The following AGO1 variants were observed in gnomAD, a reference collection of about 807,000 sequenced individuals.
The protein encoded by AGO1 is argonaute RISC component 1.
A neutral mutation model predicts 109.2 loss-of-function variants in AGO1; 11 were observed. That is an observed-to-expected ratio of 0.10 (90% CI 0.06 to 0.17). The LOEUF is 0.17. AGO1 is among the 10% of genes least tolerant of loss of function. The pLI, the probability that AGO1 is intolerant of heterozygous loss-of-function variation, is 1.00. For missense variants in AGO1, 574 were observed against 1,140.3 expected (o/e 0.50, Z 7.15); for synonymous variants, 422 against 418.6 (o/e 1.01, Z -0.10).
intron 7 of AGO1, among the ~76,000 whole-genome samples, chr1:35,894,705 T>A (rs187352224): frequency 3.0e-4 from 46 of 152,340 alleles, no homozygotes; most frequent in African/African-American, 9.1e-4. Context: ...CAAATTATTC[T>A]TTCTCTTGAA....
upstream of AGO1, among the ~76,000 whole-genome samples, chr1:35,878,826 A>G (rs564669471): frequency 6.6e-6 from 1 of 151,778 alleles, no homozygotes; most frequent in South Asian, 2.1e-4. Context: ...ATTTTTGGTT[A>G]TTTTTTTGAA....
intron 14 of AGO1, 127 bp from the exon 15 acceptor site, chr1:35,915,221 G>T: frequency 1.4e-6 from 1 of 695,996 alleles, no homozygotes; most frequent in Non-Finnish European, 2.4e-6. Flanking sequence ...TTGAAACCAG[G>T]GCTCACTGAG....
Position 35,892,537 on chromosome 1 carries a change from G to C in AGO1, c.210-20G>C, listed in dbSNP as rs747778150. The C allele has an allele frequency of 6.2e-7, 1 of 1,614,190 alleles. No homozygotes were observed. Among genetic ancestry groups the C allele is most frequent in the Non-Finnish European group, 8.5e-7 (1 of 1,180,018 alleles). ...GGTGGTAGTCTCTCAGCTTCCACAG[G>C]CCACTCCTATCCCCCACAGGGAAGT... On this transcript the variant is annotated intron_variant, in intron 2 of 18. Transcript: ENST00000373204.
intron 8 of AGO1, among the ~76,000 whole-genome samples, chr1:35,898,075 G>A (rs1050973974): frequency 6.6e-6 from 1 of 152,146 alleles, no homozygotes; most frequent in Non-Finnish European, 1.5e-5. Flanking sequence ...CGTTCCATCA[G>A]ATGGATATGT....
In AGO1 at chr1:35,919,538, G is replaced by A. The variant is rs1645794950; in HGVS notation, c.2505G>A (p.Arg835=). The change falls in exon 19 of 19, where the codon CGG becomes CGA. Residue 835 remains arginine, a synonymous_variant. Transcript: ENST00000373204. This position sits in a 1 kb window ranked among gnomAD's most constrained non-coding sequence, Gnocchi z 6.6. ...GSHISGQSNG[R]DPQALAKAVQ... ...ACATATCGGGGCAGAGCAATGGGCG[G>A]GACCCCCAGGCCCTGGCCAAAGCCG... The A allele has an allele frequency of 6.2e-7, 1 of 1,614,114 alleles. No individual in the cohort carries two copies. The highest frequency in any genetic ancestry group is 8.5e-7 in the Non-Finnish European group (1 of 1,179,996).
rs1321483653 is a variant in AGO1 at position 35,883,563 on chromosome 1, G to T, written c.25+117G>T. ...TGAGTGAGGAGAAGGGCTCTCCCACGATGGGGGCCCAGTTTGAAGGAGGCT... is the reference window on the plus strand; with the variant it reads ...TGAGTGAGGAGAAGGGCTCTCCCACTATGGGGGCCCAGTTTGAAGGAGGCT... On this transcript the variant is annotated intron_variant, in intron 1 of 18. Coordinates refer to ENST00000373204, the MANE Select transcript of AGO1 (RefSeq NM_012199.5). The surrounding 1 kb of genome is among the most constrained non-coding windows in gnomAD (Gnocchi z 5.4). 3 of 1,379,452 alleles carry T rather than the reference G, an allele frequency of 2.2e-6. No homozygotes were observed. Among genetic ancestry groups the T allele is most frequent in the African/African-American group, 1.5e-5 (1 of 66,124 alleles). The allele number at this position is 1,379,452 out of a possible 1,614,324, so 85.5% of individuals were successfully genotyped here. A position where few individuals can be genotyped will look rare whatever the true frequency, so the allele number is the denominator to read the frequency against.
At position 35,914,256 on chromosome 1, in the gene AGO1, A is replaced by G. The variant is rs568739814; in HGVS notation, c.1815A>G (p.Lys605=). The change falls in exon 14 of 19, where the codon AAA becomes AAG. Residue 605 remains lysine, a synonymous_variant. Transcript: ENST00000373204. ...DVTHPPAGDG[K]KPSITAVVGS... ...CACACCCCCCAGCAGGGGATGGGAA[A>G]AAACCTTCTATCACAGCAGTGAGTG... is the stretch of plus-strand genomic sequence containing the variant. The G allele has an allele frequency of 6.2e-7, 1 of 1,614,124 alleles. No individual in the cohort carries two copies. The highest frequency in any genetic ancestry group is 1.3e-5 in the African/African-American group (1 of 75,056).
At chr1:35,887,792 C>A (rs1645144997) in intron 1 of AGO1, among the ~76,000 whole-genome samples, 1 of 152,034 alleles carries the variant, frequency 6.6e-6, no homozygotes, top group Admixed American at 6.6e-5. Context: ...TTGTGACCTC[C>A]AGCTCTGTCC....
At position 35,902,302 on chromosome 1, in the gene AGO1, C is replaced by T. The variant is rs1645432435; in HGVS notation, c.1362C>T (p.Phe454=). 1 of 1,614,152 alleles carries T rather than the reference C, an allele frequency of 6.2e-7. No homozygotes were observed. The highest frequency in any genetic ancestry group is 8.5e-7 in the Non-Finnish European group (1 of 1,180,028). The stretch of plus-strand genomic sequence containing the variant: ...TCAAAGTCTGGGCCATCGCCTGCTT[C>T]GCACCCCAAAAACAGTGTCGAGAAG... ...IEIKVWAIAC[F]APQKQCREEV... is the part of the protein sequence containing the mutation. Residue 454 remains phenylalanine, a synonymous_variant, in exon 11 of 19, where the codon TTC becomes TTT. Transcript: ENST00000373204.
chr1:35,879,231 C>T (rs900376934), upstream of AGO1, among the ~76,000 whole-genome samples: 1 of 152,140 alleles, frequency 6.6e-6, no homozygotes, highest in African/African-American at 2.4e-5. Context: ...GGGTGGATCA[C>T]CTGAGGTCAG....
In AGO1 at chr1:35,908,960, G is replaced by A. The variant is rs551166732; in HGVS notation, c.1582+1841G>A. Among the ~76,000 whole-genome samples the A allele has an allele frequency of 9.0e-4, 137 of 151,776 alleles. 1 individual carries two copies. The highest frequency in any genetic ancestry group is 3.2e-3 in the African/African-American group (134 of 41,368). On this transcript the variant is annotated intron_variant, in intron 12 of 18. Transcript: ENST00000373204. ...CAGCCTTGAAAGTAGCTGGGATTACGGTGCGCACTACCATGCCTCGCTAAT... is the reference window on the plus strand; with the variant it reads ...CAGCCTTGAAAGTAGCTGGGATTACAGTGCGCACTACCATGCCTCGCTAAT...
upstream of AGO1, chr1:35,869,767 A>T (rs1644930770): frequency 6.6e-6 from 1 of 152,276 alleles, no homozygotes; most frequent in Non-Finnish European, 1.5e-5. Flanking sequence ...GGGTGGAGCC[A>T]AATGTGGACC....
chr1:35,895,093 C>CA (rs750386505), intron 7 of AGO1, 29 bp from the exon 8 acceptor site: 2 of 1,589,038 alleles, frequency 1.3e-6, no homozygotes. Flanking sequence ...TGGGTTATGA[C>CA]ACCCCCTTCC....
intron 13 of AGO1, 45 bp downstream of exon 13, chr1:35,914,046 G>T: frequency 1.9e-6 from 3 of 1,611,256 alleles, no homozygotes; most frequent in Non-Finnish European, 2.5e-6. Flanking sequence ...GTACCATGCT[G>T]GGAATTGATG....
In AGO1 at chr1:35,888,780, G is replaced by A. The variant is rs560819352; in HGVS notation, c.209+170G>A. The stretch of plus-strand genomic sequence containing the variant: ...CTGAAAAATAGTCCAATTGGACTTC[G>A]CTATTGGAAGATTATTAGTGGCTTT... On this transcript the variant is annotated intron_variant, in intron 2 of 18. Transcript: ENST00000373204. The surrounding 1 kb of genome is among the most constrained non-coding windows in gnomAD (Gnocchi z 4.1). 1.3e-5 allele frequency among the ~76,000 whole-genome samples: 2 copies of A among 152,210 alleles called. No individual in the cohort carries two copies. The highest frequency in any genetic ancestry group is 6.5e-5 in the Admixed American group (1 of 15,278).
rs1256973986 is a variant in AGO1 at position 35,883,324 on chromosome 1, G to C, written c.-98G>C. ...CGGGCTTGGTAGGGGAGCCGAGCCC[G>C]GCCCGGGATCCCGAGCAGCGAGAGT... On this transcript the variant is annotated 5_prime_UTR_variant, in exon 1 of 19. Coordinates refer to ENST00000373204, the MANE Select transcript of AGO1 (RefSeq NM_012199.5). This position sits in a 1 kb window ranked among gnomAD's most constrained non-coding sequence, Gnocchi z 5.4. 6.6e-7 allele frequency: 1 copy of C among 1,514,568 alleles called. No homozygotes were observed. Among genetic ancestry groups the C allele is most frequent in the Non-Finnish European group, 8.8e-7 (1 of 1,138,402 alleles). 93.8% of individuals were successfully genotyped at this position (1,514,568 alleles called of 1,614,324 possible).
rs1432654259 is a variant in AGO1, at chr1:35,892,688, G to T, written c.330+11G>T. On this transcript the variant is annotated intron_variant, in intron 3 of 18. Coordinates refer to ENST00000373204, the MANE Select transcript of AGO1 (RefSeq NM_012199.5). Reference sequence around the variant, plus strand: ...ATTGGCAACGAACGGGTAAGGTTGGGAGTCAGGCTAGGCCTGTGTCAGGGG... The same window carrying T: ...ATTGGCAACGAACGGGTAAGGTTGGTAGTCAGGCTAGGCCTGTGTCAGGGG... The T allele has an allele frequency of 1.2e-6, 2 of 1,614,184 alleles. No individual in the cohort carries two copies. The highest frequency in any genetic ancestry group is 1.7e-6 in the Non-Finnish European group (2 of 1,180,018).
chr1:35,883,318 G>A lies in AGO1; in HGVS notation c.-104G>A. On this transcript the variant is annotated 5_prime_UTR_variant, in exon 1 of 19. Transcript: ENST00000373204. The surrounding 1 kb of genome is among the most constrained non-coding windows in gnomAD (Gnocchi z 5.4). ...AGCGGCCGGGCTTGGTAGGGGAGCCGAGCCCGGCCCGGGATCCCGAGCAGC... is the reference window on the plus strand; with the variant it reads ...AGCGGCCGGGCTTGGTAGGGGAGCCAAGCCCGGCCCGGGATCCCGAGCAGC... 1.3e-6 allele frequency: 2 copies of A among 1,505,502 alleles called. No homozygotes were observed. Among genetic ancestry groups the A allele is most frequent in the Non-Finnish European group, 1.8e-6 (2 of 1,133,730 alleles). 93.3% of individuals were successfully genotyped at this position (1,505,502 alleles called of 1,614,324 possible). A position where few individuals can be genotyped will look rare whatever the true frequency, so the allele number is the denominator to read the frequency against.
At chr1:35,908,964 C>T (rs1225783451) in intron 12 of AGO1, among the ~76,000 whole-genome samples, 3 of 151,848 alleles carry the variant, frequency 2.0e-5, no homozygotes, top group South Asian at 2.1e-4. Flanking sequence ...GATTACGGTG[C>T]GCACTACCAT....
Sources: allele counts gnomAD v4.1 joint callset (sites outside exome capture counted in the v4.1 genomes callset), GRCh38; gene constraint gnomAD v4.1.1; non-coding constraint Gnocchi (gnomAD v3.1); transcripts MANE v1.5; gene names NCBI Gene and HGNC (gene_info 2026-07-23, HGNC 2026-07-21).